The following SOCS6 variants were observed in gnomAD, a reference collection of about 807,000 sequenced individuals.
SOCS6 encodes the protein suppressor of cytokine signaling 6.
A neutral mutation model predicts 27.7 loss-of-function variants in SOCS6; 5 were observed. The ratio of observed to expected loss-of-function variants is 0.18; its 90% CI spans 0.09 to 0.38. The LOEUF (loss-of-function observed/expected upper bound fraction) is 0.38. Ranked by LOEUF, SOCS6 falls within the 10% of genes least tolerant of loss-of-function variation. The pLI, the probability that SOCS6 is intolerant of heterozygous loss-of-function variation, is 1.00. For synonymous variants in SOCS6, 271 were observed against 260.0 expected (o/e 1.04, Z -0.41); for missense variants, 595 against 688.1 (o/e 0.86, Z 1.51).
chr18:70,313,332 T>G, intron 1 of SOCS6, among the ~76,000 whole-genome samples: 1 of 152,126 alleles, frequency 6.6e-6, no homozygotes, highest in East Asian at 1.9e-4. Context: ...ATATTTGCAG[T>G]TTTTCTCTAT....
chr18:70,311,393 G>C (rs1020162), intron 1 of SOCS6, among the ~76,000 whole-genome samples: 1 of 152,056 alleles, frequency 6.6e-6, no homozygotes, highest in Non-Finnish European at 1.5e-5. Flanking sequence ...GATGGATTAA[G>C]GAAAGTTGTT....
chr18:70,325,004 C>G lies in SOCS6; in HGVS notation c.336C>G (p.Val112=). The G allele has an allele frequency of 6.2e-7, 1 of 1,614,166 alleles. No individual in the cohort carries two copies. Among genetic ancestry groups the G allele is most frequent in the Non-Finnish European group, 8.5e-7 (1 of 1,180,026 alleles). Residue 112 remains valine (V), a synonymous_variant, in exon 2 of 2, where the codon GTC becomes GTG. Transcript: ENST00000397942. The surrounding 1 kb of genome is among the most constrained non-coding windows in gnomAD (Gnocchi z 6.3). ...DTFSSSSAPI[V]FKDVRAQRPI... ...TCTCCTCCTCCTCAGCACCCATAGT[C>G]TTTAAAGACGTGAGAGCTCAGAGGC...
At chr18:70,289,309 CAGGGCCGGGGAACG>C in intron 1 of SOCS6, among the ~76,000 whole-genome samples, 1 of 148,860 alleles carries the variant, frequency 6.7e-6, no homozygotes, top group African/African-American at 2.4e-5. Context: ...GGGCGGGGGC[CAGGGCCGGGGAACG>C]GGGGCCGGGG....
At chr18:70,309,826 G>A (rs575184447) in intron 1 of SOCS6, among the ~76,000 whole-genome samples, 1 of 152,232 alleles carries the variant, frequency 6.6e-6, no homozygotes, top group South Asian at 2.1e-4. Context: ...TGGGATTACA[G>A]GCATGTGCCA....
intron 1 of SOCS6, among the ~76,000 whole-genome samples, chr18:70,301,120 C>G (rs529963131): frequency 6.6e-6 from 1 of 152,104 alleles, no homozygotes; most frequent in African/African-American, 2.4e-5. Flanking sequence ...CACCAGTTAG[C>G]CAGCTACCAG....
chr18:70,312,324 G>C (rs1236548844), intron 1 of SOCS6, among the ~76,000 whole-genome samples: 1 of 148,932 alleles, frequency 6.7e-6, no homozygotes, highest in Non-Finnish European at 1.5e-5. Flanking sequence ...TTTTTGTTTT[G>C]TTTTTTTTTC....
At chr18:70,318,339 A>G (rs1268442172) in intron 1 of SOCS6, among the ~76,000 whole-genome samples, 1 of 152,168 alleles carries the variant, frequency 6.6e-6, no homozygotes, top group East Asian at 1.9e-4. Context: ...AAATTGCATA[A>G]TGAATTTAAA....
intron 1 of SOCS6, among the ~76,000 whole-genome samples, chr18:70,316,667 C>T (rs1249468056): frequency 6.6e-6 from 1 of 151,972 alleles, no homozygotes; most frequent in Non-Finnish European, 1.5e-5. Flanking sequence ...TGTTGCCAGC[C>T]TATGCCTTTT....
Position 70,325,556 on chromosome 18 carries a change from G to A in SOCS6, c.888G>A (p.Met296Ile), listed in dbSNP as rs149015315. Residue 296 changes from methionine (M) to isoleucine (I), a missense_variant, in exon 2 of 2, where the codon ATG (methionine) becomes ATA (isoleucine). By Grantham distance (10) the Met-to-Ile change is conservative. Coordinates refer to ENST00000397942, the MANE Select transcript of SOCS6 (RefSeq NM_004232.4). This position sits in a 1 kb window ranked among gnomAD's most constrained non-coding sequence, Gnocchi z 6.3. ...NGLLIGTTGVMLQSPRAGHDD... is the reference protein window; with the variant it reads ...NGLLIGTTGVILQSPRAGHDD... ...TGTTGATTGGCACCACGGGAGTCAT[G>A]TTGCAGAGCCCGAGAGCGGGTCACG... 3 of 1,614,066 alleles carry A rather than the reference G, an allele frequency of 1.9e-6. No homozygotes were observed. The highest frequency in any genetic ancestry group is 1.7e-5 in the Admixed American group (1 of 60,004).
intron 1 of SOCS6, among the ~76,000 whole-genome samples, chr18:70,305,200 G>A (rs9953153): frequency 6.6e-6 from 1 of 151,366 alleles, no homozygotes; most frequent in South Asian, 2.1e-4. Flanking sequence ...AGAGCAAGAC[G>A]CCGTCTCAAA....
intron 1 of SOCS6, among the ~76,000 whole-genome samples, chr18:70,298,882 T>C (rs1229832016): frequency 6.6e-6 from 1 of 152,114 alleles, no homozygotes; most frequent in Admixed American, 6.5e-5. Context: ...CCCAACACTT[T>C]GGGAGGCCGA....
intron 1 of SOCS6, among the ~76,000 whole-genome samples, chr18:70,312,347 A>G (rs1034557239): frequency 6.6e-6 from 1 of 152,206 alleles, no homozygotes; most frequent in Non-Finnish European, 1.5e-5. Context: ...TTAATGCAAT[A>G]AGGAACATTG....
chr18:70,301,550 C>T (rs1346770918), intron 1 of SOCS6, among the ~76,000 whole-genome samples: 2 of 151,966 alleles, frequency 1.3e-5, no homozygotes, highest in South Asian at 2.1e-4. Flanking sequence ...GGGAACAACC[C>T]GAGTTTAGTT....
intron 1 of SOCS6, among the ~76,000 whole-genome samples, chr18:70,313,293 T>TA (rs2062397955): frequency 6.6e-6 from 1 of 152,216 alleles, no homozygotes; most frequent in African/African-American, 2.4e-5. Flanking sequence ...CAGCACAGTT[T>TA]ATGTTACAAC....
At chr18:70,289,608 G>A (rs1568593847) in intron 1 of SOCS6, among the ~76,000 whole-genome samples, 1 of 147,772 alleles carries the variant, frequency 6.8e-6, no homozygotes, top group Non-Finnish European at 1.5e-5. Context: ...GCTCGGGCTC[G>A]GGGTCGGGGC....
rs906673036 is a variant in SOCS6 at position 70,327,799 on chromosome 18, TAAAG to T, written c.*1524_*1527del. On this transcript the variant is annotated 3_prime_UTR_variant, in exon 2 of 2. Coordinates refer to ENST00000397942, the MANE Select transcript of SOCS6 (RefSeq NM_004232.4). ...TTGGGATGGTTCTTCCTTTGTCACT[TAAAG>T]GAAGAGATAGGAAAAGTCTCTTACC... 2.3e-4 allele frequency: 39 copies of T among 166,790 alleles called. No homozygotes were observed. The highest frequency in any genetic ancestry group is 8.9e-4 in the African/African-American group (37 of 41,426). 10.3% of individuals were successfully genotyped at this position (166,790 alleles called of 1,614,324 possible). A position where few individuals can be genotyped will look rare whatever the true frequency, so the allele number is the denominator to read the frequency against.
chr18:70,323,956 T>C (rs187028749), intron 1 of SOCS6, among the ~76,000 whole-genome samples: 2 of 152,230 alleles, frequency 1.3e-5, no homozygotes, highest in African/African-American at 4.8e-5. Context: ...TTAGAGTTTA[T>C]ACCAAAAAGC....
rs548103191 is a variant in SOCS6, at chr18:70,304,051, ACTT to A, written c.-127+14965_-127+14967del. On this transcript the variant is annotated intron_variant, in intron 1 of 1. Coordinates refer to ENST00000397942, the MANE Select transcript of SOCS6 (RefSeq NM_004232.4). ...CAAGGACTTAAATATGAAAACCAAA[ACTT>A]CTTTACAGCAAATACAGGAGGATAT... is the stretch of plus-strand genomic sequence containing the variant. Among the ~76,000 whole-genome samples the A allele has an allele frequency of 5.0e-3, 765 of 152,300 alleles. 4 individuals are homozygous for A. The highest frequency in any genetic ancestry group is 8.3e-3 in the Non-Finnish European group (563 of 68,032).
intron 1 of SOCS6, among the ~76,000 whole-genome samples, chr18:70,291,962 GT>G (rs2062301537): frequency 6.6e-6 from 1 of 152,258 alleles, no homozygotes; most frequent in East Asian, 1.9e-4. Flanking sequence ...TGTCATTAAT[GT>G]TTTTATGGGT....
Sources: allele counts gnomAD v4.1 joint callset (sites outside exome capture counted in the v4.1 genomes callset), GRCh38; gene constraint gnomAD v4.1.1; non-coding constraint Gnocchi (gnomAD v3.1); transcripts MANE v1.5; gene names NCBI Gene and HGNC (gene_info 2026-07-23, HGNC 2026-07-21).